The following FRMD4A variants were observed in gnomAD, a reference collection of about 807,000 sequenced individuals.
FRMD4A encodes the protein FERM domain-containing protein 4A.
In FRMD4A, 29 loss-of-function variants were observed where a neutral mutation model predicts 129.1. The ratio of observed to expected loss-of-function variants is 0.22; its 90% CI spans 0.17 to 0.31. The LOEUF (loss-of-function observed/expected upper bound fraction) is 0.31, where lower values mean the gene tolerates loss of function less well. FRMD4A is among the 10% of genes least tolerant of loss of function. FRMD4A has a pLI of 1.00. For synonymous variants in FRMD4A, 634 were observed against 571.6 expected, an observed-to-expected ratio of 1.11 and a Z score of -1.56; for missense variants, 1,272 against 1,375.8, an observed-to-expected ratio of 0.92 and a Z score of 1.19.
chr10:14,106,321 T>C (rs977221875), intron 2 of FRMD4A, among the ~76,000 whole-genome samples: 2 of 152,190 alleles, frequency 1.3e-5, no homozygotes, highest in Non-Finnish European at 2.9e-5. Flanking sequence ...ACACTCTTAG[T>C]AGTCATTTAA....
At chr10:13,670,595 ACACACACACG>A (rs1398101045) in intron 16 of FRMD4A, 67 bp from the exon 17 acceptor site, 5 of 1,551,496 alleles carry the variant, frequency 3.2e-6, no homozygotes, top group East Asian at 2.3e-5. Flanking sequence ...TTCCTAGAAC[ACACACACACG>A]CACATACACG....
At chr10:14,129,889 GGGCACCT>G (rs1265568927) in intron 2 of FRMD4A, among the ~76,000 whole-genome samples, 2 of 152,114 alleles carry the variant, frequency 1.3e-5, no homozygotes, top group Non-Finnish European at 2.9e-5. Flanking sequence ...TTCCATCTGT[GGGCACCT>G]GGCACCTGGC....
At chr10:13,851,546 C>A (rs915287205) in intron 3 of FRMD4A, among the ~76,000 whole-genome samples, 1 of 152,118 alleles carries the variant, frequency 6.6e-6, no homozygotes, top group South Asian at 2.1e-4. Flanking sequence ...GCATTAGATT[C>A]TCGCAGGAGT....
intron 4 of FRMD4A, among the ~76,000 whole-genome samples, chr10:13,809,118 T>C (rs1319607582): frequency 6.6e-6 from 1 of 152,204 alleles, no homozygotes; most frequent in East Asian, 1.9e-4. Flanking sequence ...CTGTGACGTG[T>C]GGTTTTGGTG....
At chr10:13,921,270 C>CTTTCTCTCTTTCTCTCTTTCTTTCTT (rs1554970478) in intron 2 of FRMD4A, among the ~76,000 whole-genome samples, 1 of 148,082 alleles carries the variant, frequency 6.8e-6, no homozygotes, top group South Asian at 2.1e-4. Context: ...CTCTCTTTCT[C>CTTTCTCTCTTTCTCTCTTTCTTTCTT]TCTTTCTTTC....
rs539575813 is a variant in FRMD4A at position 14,301,666 on chromosome 10, T to C, written c.45+28392A>G. Among the ~76,000 whole-genome samples, 10 of 152,346 alleles carry C rather than the reference T, an allele frequency of 6.6e-5. No individual in the cohort carries two copies. The South Asian group carries it at 1.5e-3, about 22-fold the overall frequency. On this transcript the variant is annotated intron_variant, in intron 2 of 24. Coordinates refer to ENST00000357447, the MANE Select transcript of FRMD4A (RefSeq NM_018027.5). Reference sequence around the variant, plus strand: ...ATCTTCTTTCTATAATCTCAAACTCTATTCATAAAACTATATTCCATATAT... The same window carrying C: ...ATCTTCTTTCTATAATCTCAAACTCCATTCATAAAACTATATTCCATATAT...
intron 5 of FRMD4A, among the ~76,000 whole-genome samples, chr10:13,786,862 T>G (rs2092878557): frequency 6.6e-6 from 1 of 152,202 alleles, no homozygotes; most frequent in Non-Finnish European, 1.5e-5. Flanking sequence ...ATTTTCAAAG[T>G]AATGCCATAT....
At chr10:13,877,460 C>A (rs368507745) in intron 2 of FRMD4A, among the ~76,000 whole-genome samples, 1 of 151,592 alleles carries the variant, frequency 6.6e-6, no homozygotes, top group Admixed American at 6.6e-5. Context: ...GAAACAGGGA[C>A]GCTCGAGAAC....
intron 2 of FRMD4A, among the ~76,000 whole-genome samples, chr10:13,933,709 T>C: frequency 6.6e-6 from 1 of 152,214 alleles, no homozygotes; most frequent in East Asian, 1.9e-4. Context: ...GTTGTTTTTG[T>C]TGATATTTTG....
chr10:13,788,585 C>A (rs988416873), intron 5 of FRMD4A, among the ~76,000 whole-genome samples: 3 of 152,122 alleles, frequency 2.0e-5, no homozygotes, highest in Non-Finnish European at 4.4e-5. Context: ...GTTTTGGGGG[C>A]ACACTTAGCA....
At chr10:14,175,393 A>T (rs1337216219) in intron 2 of FRMD4A, among the ~76,000 whole-genome samples, 1 of 152,052 alleles carries the variant, frequency 6.6e-6, no homozygotes, top group African/African-American at 2.4e-5. Flanking sequence ...TCCTTCATTG[A>T]TGCTTTTCAC....
At chr10:13,964,064 G>A (rs1262594012) in intron 2 of FRMD4A, among the ~76,000 whole-genome samples, 2 of 151,232 alleles carry the variant, frequency 1.3e-5, no homozygotes, top group Non-Finnish European at 2.9e-5. Flanking sequence ...CCTCAACACA[G>A]CCAACCCAGA....
chr10:14,309,206 G>A (rs1296522574), intron 2 of FRMD4A, among the ~76,000 whole-genome samples: 2 of 152,088 alleles, frequency 1.3e-5, no homozygotes, highest in African/African-American at 2.4e-5. Flanking sequence ...TCACAGCTAC[G>A]CAGGAGACCA....
intron 2 of FRMD4A, among the ~76,000 whole-genome samples, chr10:14,264,320 C>T (rs1205125086): frequency 6.6e-6 from 1 of 152,066 alleles, no homozygotes; most frequent in Non-Finnish European, 1.5e-5. Flanking sequence ...TACAAGCAGC[C>T]CAGAAGAGGG....
intron 2 of FRMD4A, among the ~76,000 whole-genome samples, chr10:14,091,787 G>A (rs113338129): frequency 3.7e-4 from 57 of 152,292 alleles, no homozygotes; most frequent in African/African-American, 1.2e-3. Flanking sequence ...GGGAAATGAG[G>A]AAACCAATAG....
At chr10:14,094,512 G>A (rs1401063400) in intron 2 of FRMD4A, among the ~76,000 whole-genome samples, 1 of 152,146 alleles carries the variant, frequency 6.6e-6, no homozygotes, top group Non-Finnish European at 1.5e-5. Context: ...CAAACGCAGA[G>A]CAGCTTCTAC....
intron 2 of FRMD4A, among the ~76,000 whole-genome samples, chr10:13,951,967 AAT>A (rs2095374815): frequency 6.7e-6 from 1 of 149,528 alleles, no homozygotes; most frequent in Non-Finnish European, 1.5e-5. Flanking sequence ...GGTTGGGGCA[AAT>A]ATCTGTTCTC....
chr10:13,823,399 A>G (rs1208785615), intron 3 of FRMD4A, among the ~76,000 whole-genome samples: 2 of 152,222 alleles, frequency 1.3e-5, no homozygotes, highest in African/African-American at 4.8e-5. Flanking sequence ...TAATGAAATG[A>G]TAACTGTTTC....
chr10:13,999,014 C>T (rs2095632665), intron 2 of FRMD4A, among the ~76,000 whole-genome samples: 1 of 152,028 alleles, frequency 6.6e-6, no homozygotes, highest in African/African-American at 2.4e-5. Flanking sequence ...TGACCACCCC[C>T]ATCTCACCCC....
Sources: gnomAD v4.1 joint callset for allele counts (sites outside exome capture counted in the v4.1 genomes callset) on GRCh38, gnomAD v4.1.1 for gene constraint, MANE v1.5 for transcripts, NCBI Gene and HGNC (gene_info 2026-07-23, HGNC 2026-07-21) for gene names.